BMPR1A: variants seen among roughly 807,000 people sequenced by gnomAD.
BMPR1A encodes the protein bone morphogenetic protein receptor type-1A.
In BMPR1A, 7 loss-of-function variants were observed where a neutral mutation model predicts 66.0. That is an observed-to-expected ratio of 0.11 (90% CI 0.06 to 0.20). The LOEUF is 0.20. BMPR1A is among the 10% of genes least tolerant of loss of function. The pLI, the probability that BMPR1A is intolerant of heterozygous loss-of-function variation, is 1.00. For missense variants in BMPR1A, 408 were observed against 669.1 expected, an observed-to-expected ratio of 0.61 and a Z score of 4.31; for synonymous variants, 200 against 229.7, an observed-to-expected ratio of 0.87 and a Z score of 1.17.
intron 1 of BMPR1A, among the ~76,000 whole-genome samples, chr10:86,836,792 G>A (rs1311545615): frequency 6.6e-6 from 1 of 152,096 alleles, no homozygotes; most frequent in African/African-American, 2.4e-5. Context: ...AATTAGCTGG[G>A]CATGGTTGTA....
chr10:86,856,932 G>C (rs1842649532), intron 2 of BMPR1A, among the ~76,000 whole-genome samples: 1 of 152,170 alleles, frequency 6.6e-6, no homozygotes, highest in South Asian at 2.1e-4. Context: ...GAAGAATACA[G>C]ATCAGGACCA....
intron 4 of BMPR1A, 37 bp downstream of exon 4, chr10:86,890,261 G>T: frequency 1.2e-6 from 2 of 1,608,588 alleles, no homozygotes; most frequent in South Asian, 2.2e-5. Context: ...AGAGTTAGGA[G>T]AATAGAGTTG....
At chr10:86,865,552 T>C (rs1200997652) in intron 2 of BMPR1A, among the ~76,000 whole-genome samples, 1 of 152,200 alleles carries the variant, frequency 6.6e-6, no homozygotes, top group East Asian at 1.9e-4. Context: ...AAAGCTTTTA[T>C]TGCTCACACA....
At chr10:86,763,852 C>T (rs1023320728) in intron 1 of BMPR1A, among the ~76,000 whole-genome samples, 6 of 135,010 alleles carry the variant, frequency 4.4e-5, no homozygotes, top group African/African-American at 1.1e-4. Flanking sequence ...AGTGCAGTGG[C>T]GCATGTTGGC....
At chr10:86,775,972 C>T (rs1012162264) in intron 1 of BMPR1A, among the ~76,000 whole-genome samples, 2 of 152,112 alleles carry the variant, frequency 1.3e-5, no homozygotes, top group Non-Finnish European at 2.9e-5. Context: ...TCTGTCTGTT[C>T]CCTTGGCAGT....
At position 86,763,982 on chromosome 10, in the gene BMPR1A, A is replaced by G. The variant is rs4542314; in HGVS notation, c.-268+7063A>G. The stretch of plus-strand genomic sequence containing the variant: ...ATTTTTTCTATTTTTTAGTAGAGAC[A>G]GGGTTTCACCGTGTTAGCCAGGATG... On this transcript the variant is annotated intron_variant, in intron 1 of 12. Transcript: ENST00000372037. Among the ~76,000 whole-genome samples, 68,842 of 151,732 alleles carry G rather than the reference A, an allele frequency of 0.45. 16,013 individuals are homozygous for G. Among genetic ancestry groups the G allele is most frequent in the East Asian group, 0.72 (3,718 of 5,160 alleles).
chr10:86,892,817 C>A (rs1437388149), intron 5 of BMPR1A, among the ~76,000 whole-genome samples: 1 of 148,348 alleles, frequency 6.7e-6, no homozygotes, highest in African/African-American at 2.5e-5. Flanking sequence ...TAGCCGAGAT[C>A]GTTCCACGGT....
intron 7 of BMPR1A, among the ~76,000 whole-genome samples, chr10:86,903,601 T>TA (rs1554889331): frequency 9.9e-5 from 15 of 151,370 alleles, no homozygotes; most frequent in African/African-American, 3.2e-4. Context: ...TTATTATTAT[T>TA]TTTATTTATT....
intron 2 of BMPR1A, among the ~76,000 whole-genome samples, chr10:86,870,174 C>T (rs1046076302): frequency 1.3e-5 from 2 of 152,138 alleles, no homozygotes; most frequent in African/African-American, 2.4e-5. Context: ...TGAATATTAC[C>T]GTTCTTTTAG....
intron 1 of BMPR1A, among the ~76,000 whole-genome samples, chr10:86,790,169 AAAAAAAAAAAAAAAAAAAAAT>A (rs1841580895): frequency 3.2e-5 from 1 of 30,878 alleles, no homozygotes; most frequent in African/African-American, 2.2e-4. Context: ...CTCCAAAAAA[AAAAAAAAAAAAAAAAAAAAAT>A]ATATATATAT....
At chr10:86,899,367 C>T (rs555049596) in intron 5 of BMPR1A, among the ~76,000 whole-genome samples, 18 of 152,314 alleles carry the variant, frequency 1.2e-4, no homozygotes, top group Non-Finnish European at 1.9e-4. Context: ...TCATGACTTC[C>T]GACGTGGCTG....
intron 1 of BMPR1A, among the ~76,000 whole-genome samples, chr10:86,812,867 G>T (rs995953029): frequency 4.6e-5 from 7 of 152,012 alleles, no homozygotes; most frequent in African/African-American, 1.7e-4. Context: ...CATTATATGG[G>T]TTATATTATA....
chr10:86,902,410 A>G (rs1028493857), intron 7 of BMPR1A, among the ~76,000 whole-genome samples: 1 of 151,180 alleles, frequency 6.6e-6, no homozygotes, highest in African/African-American at 2.4e-5. Context: ...AGCTACCTAC[A>G]CTTTTCACTG....
chr10:86,866,399 C>CTTTTTTTTTTTTCTTTT (rs1842785864), intron 2 of BMPR1A, among the ~76,000 whole-genome samples: 3 of 69,468 alleles, frequency 4.3e-5, no homozygotes, highest in African/African-American at 1.6e-4. Context: ...AAGTTTCTTT[C>CTTTTTTTTTTTTCTTTT]TTTTTTTTTT....
At chr10:86,841,927 A>G (rs1310808024) in intron 2 of BMPR1A, among the ~76,000 whole-genome samples, 4 of 152,250 alleles carry the variant, frequency 2.6e-5, no homozygotes, top group Admixed American at 2.0e-4. Flanking sequence ...GAACATGTGC[A>G]GGCTCTGGTG....
chr10:86,790,504 G>A (rs941466702), intron 1 of BMPR1A, among the ~76,000 whole-genome samples: 6 of 151,914 alleles, frequency 3.9e-5, no homozygotes, highest in Admixed American at 1.3e-4. Flanking sequence ...GTGCATGAAA[G>A]TTTACAGCAG....
chr10:86,890,123 G>A lies in BMPR1A; in HGVS notation c.129G>A (p.Lys43=), dbSNP rs1843126055. The A allele has an allele frequency of 6.2e-7, 1 of 1,614,086 alleles. No individual in the cohort carries two copies. Among genetic ancestry groups the A allele is most frequent in the Non-Finnish European group, 8.5e-7 (1 of 1,180,020 alleles). Residue 43 remains lysine (K), a synonymous_variant, in exon 4 of 13, where the codon AAG becomes AAA. Coordinates refer to ENST00000372037, the MANE Select transcript of BMPR1A (RefSeq NM_004329.3). ...TGAAATCAGACTCCGACCAGAAAAA[G>A]TCAGAAAATGGAGTAACCTTAGCAC... ...TGMKSDSDQK[K]SENGVTLAPE... is the part of the protein sequence containing the mutation.
At chr10:86,756,145 G>A (rs1847855590), upstream of BMPR1A, 1 of 152,216 alleles carries the variant, frequency 6.6e-6, no homozygotes, top group Non-Finnish European at 1.5e-5. Flanking sequence ...GAAAGAGCCC[G>A]CGAGAGTGGG....
At chr10:86,897,850 G>T (rs1330402278) in intron 5 of BMPR1A, among the ~76,000 whole-genome samples, 1 of 152,034 alleles carries the variant, frequency 6.6e-6, no homozygotes, top group Non-Finnish European at 1.5e-5. Context: ...AAGCCATTCT[G>T]CCACTTCAGC....
Sources: allele counts gnomAD v4.1 joint callset (sites outside exome capture counted in the v4.1 genomes callset), GRCh38; gene constraint gnomAD v4.1.1; transcripts MANE v1.5; gene names NCBI Gene and HGNC (gene_info 2026-07-23, HGNC 2026-07-21).